The following PRKD1 variants were observed in gnomAD, a reference collection of about 807,000 sequenced individuals.
PRKD1 encodes the protein serine/threonine-protein kinase D1.
In PRKD1, 63 loss-of-function variants were observed where a neutral mutation model predicts 95.9. The ratio of observed to expected loss-of-function variants is 0.66; its 90% confidence interval spans 0.54 to 0.81. The LOEUF (loss-of-function observed/expected upper bound fraction) is 0.81, where lower values mean the gene tolerates loss of function less well. Ranked by LOEUF, PRKD1 falls within the 30% of genes least tolerant of loss-of-function variation. The pLI is 0.00. For missense variants in PRKD1, 1,048 were observed against 1,165.3 expected (o/e 0.90, Z 1.47); for synonymous variants, 425 against 423.1 (o/e 1.00, Z -0.05).
At chr14:29,812,236 A>G (rs1277711640) in intron 1 of PRKD1, among the ~76,000 whole-genome samples, 1 of 152,206 alleles carries the variant, frequency 6.6e-6, no homozygotes, top group Non-Finnish European at 1.5e-5. Context: ...TATCACCGCT[A>G]AAAGAAAGAC....
chr14:29,858,886 C>T (rs1892604449), intron 1 of PRKD1, among the ~76,000 whole-genome samples: 1 of 152,106 alleles, frequency 6.6e-6, no homozygotes, highest in African/African-American at 2.4e-5. Flanking sequence ...ACCTATTGCA[C>T]CTATAAGTGT....
chr14:29,812,292 G>A (rs1890521858), intron 1 of PRKD1, among the ~76,000 whole-genome samples: 1 of 152,090 alleles, frequency 6.6e-6, no homozygotes, highest in African/African-American at 2.4e-5. Flanking sequence ...GAAATCATTA[G>A]CAAAATTACC....
At chr14:29,730,745 G>T (rs1034139251) in intron 1 of PRKD1, among the ~76,000 whole-genome samples, 1 of 152,092 alleles carries the variant, frequency 6.6e-6, no homozygotes, top group Non-Finnish European at 1.5e-5. Context: ...AGAATAATAC[G>T]TTAAGTGAAA....
At chr14:29,719,327 T>G (rs1161001975) in intron 2 of PRKD1, among the ~76,000 whole-genome samples, 2 of 152,202 alleles carry the variant, frequency 1.3e-5, no homozygotes, top group African/African-American at 4.8e-5. Flanking sequence ...AGTTTGAGTA[T>G]ATGAATTAAA....
At chr14:29,633,677 C>G (rs1880176828) in intron 8 of PRKD1, among the ~76,000 whole-genome samples, 1 of 152,068 alleles carries the variant, frequency 6.6e-6, no homozygotes, top group South Asian at 2.1e-4. Flanking sequence ...AATTTTAGGC[C>G]AGTCAAATAT....
chr14:29,872,679 A>C (rs114185284), intron 1 of PRKD1, among the ~76,000 whole-genome samples: 1 of 152,088 alleles, frequency 6.6e-6, no homozygotes, highest in Non-Finnish European at 1.5e-5. Context: ...AAAGAAAAAA[A>C]AAATCTCCAC....
chr14:29,927,481 C>G lies in PRKD1; in HGVS notation c.32G>C (p.Ser11Thr). The G allele has an allele frequency of 2.4e-6, 3 of 1,249,050 alleles. No homozygotes were observed. The highest frequency in any genetic ancestry group is 3.0e-6 in the Non-Finnish European group (3 of 1,001,600). 77.4% of individuals were successfully genotyped at this position (1,249,050 alleles called of 1,614,324 possible). ...TGCCGCCGCCACGGGCAGCAGCGGA[C>G]TGGGCGGCCGCAGGACCGGAGGGGC... MSAPPVLRPP[S>T]PLLPVAAAAA... is the part of the protein sequence containing the mutation. The change falls in exon 1 of 18, where the codon AGT (serine) becomes ACT (threonine). Residue 11 changes from serine (S) to threonine (T), a missense_variant. Physicochemically the swap from Ser to Thr is moderately conservative, Grantham distance 58. Coordinates refer to ENST00000331968, the MANE Select transcript of PRKD1 (RefSeq NM_002742.3).
At chr14:29,901,515 C>T (rs565759824) in intron 1 of PRKD1, among the ~76,000 whole-genome samples, 12 of 152,212 alleles carry the variant, frequency 7.9e-5, no homozygotes, top group African/African-American at 2.9e-4. Context: ...ATCAATAGTA[C>T]AACAGCAACA....
intron 4 of PRKD1, among the ~76,000 whole-genome samples, chr14:29,641,917 T>G (rs1880798731): frequency 6.8e-6 from 1 of 146,272 alleles, no homozygotes; most frequent in Admixed American, 6.7e-5. Flanking sequence ...TTTTTTTTTT[T>G]TTTGAGATGG....
chr14:29,882,490 ATTTATCT>A (rs1348632675), intron 1 of PRKD1, among the ~76,000 whole-genome samples: 2 of 152,138 alleles, frequency 1.3e-5, no homozygotes, highest in Non-Finnish European at 2.9e-5. Flanking sequence ...TCTCCAGTTT[ATTTATCT>A]TTTATTAGTT....
chr14:29,863,907 T>C (rs1476107259), intron 1 of PRKD1, among the ~76,000 whole-genome samples: 2 of 152,022 alleles, frequency 1.3e-5, no homozygotes, highest in African/African-American at 4.8e-5. Context: ...CACAAATGAA[T>C]AACGGCAGTT....
chr14:29,877,606 G>T (rs2139389267), intron 1 of PRKD1, among the ~76,000 whole-genome samples: 1 of 152,254 alleles, frequency 6.6e-6, no homozygotes, highest in Non-Finnish European at 1.5e-5. Flanking sequence ...GTCTTCCAGG[G>T]TTTTTATAGT....
At chr14:29,630,019 TCTGCTTCTTCTTCTTCTC>T (rs1566498075) in intron 10 of PRKD1, among the ~76,000 whole-genome samples, 1 of 119,434 alleles carries the variant, frequency 8.4e-6, no homozygotes, top group Non-Finnish European at 1.7e-5. Flanking sequence ...TCCTTCTTCT[TCTGCTTCTTCTTCTTCTC>T]CCTCTTCTTT....
chr14:29,732,283 CT>C (rs1886479495), intron 1 of PRKD1, among the ~76,000 whole-genome samples: 1 of 151,902 alleles, frequency 6.6e-6, no homozygotes. Context: ...TTTTTTGTTA[CT>C]TTTTTTCCTT....
intron 17 of PRKD1, among the ~76,000 whole-genome samples, chr14:29,577,848 G>T (rs1229079478): frequency 6.6e-6 from 1 of 152,104 alleles, no homozygotes; most frequent in Non-Finnish European, 1.5e-5. Context: ...CCATGCATTT[G>T]TTCCATATAT....
intron 1 of PRKD1, among the ~76,000 whole-genome samples, chr14:29,755,584 C>T (rs1281986098): frequency 2.6e-5 from 4 of 152,108 alleles, no homozygotes; most frequent in Non-Finnish European, 4.4e-5. Context: ...CATTTTTCAG[C>T]TGGTTTCTGT....
intron 1 of PRKD1, among the ~76,000 whole-genome samples, chr14:29,912,249 G>A (rs2139122912): frequency 6.6e-6 from 1 of 152,224 alleles, no homozygotes; most frequent in Middle Eastern, 3.4e-3. Context: ...GGATTAGGAT[G>A]TAGACATCTT....
At chr14:29,833,871 C>A (rs1438194488) in intron 1 of PRKD1, among the ~76,000 whole-genome samples, 1 of 151,618 alleles carries the variant, frequency 6.6e-6, no homozygotes, top group African/African-American at 2.4e-5. Flanking sequence ...CCATTACAGA[C>A]TAGACAGCAG....
chr14:29,922,059 T>G (rs1895131920), intron 1 of PRKD1, among the ~76,000 whole-genome samples: 1 of 152,136 alleles, frequency 6.6e-6, no homozygotes, highest in South Asian at 2.1e-4. Flanking sequence ...GAGTTTCTCT[T>G]GGGAGGCCAA....
Sources: gnomAD v4.1 joint callset for allele counts (sites outside exome capture counted in the v4.1 genomes callset) on GRCh38, gnomAD v4.1.1 for gene constraint, MANE v1.5 for transcripts, NCBI Gene and HGNC (gene_info 2026-07-23, HGNC 2026-07-21) for gene names.